MYO9B: variants seen among roughly 807,000 people sequenced by gnomAD.
MYO9B encodes the protein unconventional myosin-IXb.
A neutral mutation model predicts 229.5 loss-of-function variants in MYO9B; 71 were observed. That is an observed-to-expected ratio of 0.31 (90% CI 0.26 to 0.38). The LOEUF is 0.38. Among genes scored for constraint, MYO9B ranks in the 10% least tolerant of loss-of-function variants. MYO9B has a pLI of 1.00. For synonymous variants in MYO9B, 1,185 were observed against 1,235.8 expected (o/e 0.96, Z 0.86); for missense variants, 2,255 against 2,920.5 (o/e 0.77, Z 5.25).
rs745558830 is a variant in MYO9B at position 17,152,679 on chromosome 19, G to A, written c.971G>A (p.Arg324His). ...VVEKYLLEKS[R>H]LVSQEKDERN... The stretch of plus-strand genomic sequence containing the variant: ...GAGAAATATCTGCTTGAAAAGTCTC[G>A]CCTGGTGTCTCAGGAGAAGGATGAG... Residue 324 changes from arginine (R) to histidine (H), a missense_variant, in exon 4 of 40, where the codon CGC becomes CAC. Arg to His is a conservative substitution (Grantham distance 29, BLOSUM62 0). Around this residue, in one of 7 missense-constraint regions of MYO9B, gnomAD observed 386 missense variants for 515.2 expected, o/e 0.75. Transcript: ENST00000682292. The A allele has an allele frequency of 1.2e-6, 2 of 1,613,218 alleles. No individual in the cohort carries two copies. Among genetic ancestry groups the A allele is most frequent in the African/African-American group, 1.3e-5 (1 of 74,868 alleles).
At chr19:17,202,459 T>TA (rs1247515339) in intron 28 of MYO9B, among the ~76,000 whole-genome samples, 156 bp downstream of exon 28, 1 of 150,446 alleles carries the variant, frequency 6.6e-6, no homozygotes, top group African/African-American at 2.5e-5. Context: ...TTGATCCACT[T>TA]ATGCCATGCT....
chr19:17,085,967 C>T (rs920614617), intron 1 of MYO9B, among the ~76,000 whole-genome samples: 1 of 152,188 alleles, frequency 6.6e-6, no homozygotes, highest in Non-Finnish European at 1.5e-5. Context: ...GCAGCCCAGC[C>T]ACCACCCAGT....
intron 2 of MYO9B, among the ~76,000 whole-genome samples, chr19:17,121,222 C>T (rs1599344259): frequency 1.3e-5 from 2 of 152,256 alleles, no homozygotes; most frequent in Middle Eastern, 3.4e-3. Context: ...GGATTCCAGA[C>T]GTCAGCCACG....
chr19:17,197,925 T>G (rs3745160), intron 23 of MYO9B, 67 bp downstream of exon 23: 971,307 of 1,572,504 alleles, frequency 0.62, 306,157 homozygotes, highest in African/African-American at 0.92. Flanking sequence ...GTGGTGGCGC[T>G]TGCCTGTAAC....
At chr19:17,109,651 C>A (rs2057828519) in intron 2 of MYO9B, among the ~76,000 whole-genome samples, 1 of 152,130 alleles carries the variant, frequency 6.6e-6, no homozygotes, top group African/African-American at 2.4e-5. Context: ...TCTGGAGGCT[C>A]TGAGGGAGAA....
intron 10 of MYO9B, among the ~76,000 whole-genome samples, chr19:17,165,323 T>G (rs958103632): frequency 7.3e-5 from 11 of 151,316 alleles, no homozygotes; most frequent in African/African-American, 2.7e-4. Context: ...GTTGTGCCAC[T>G]GTACTCCAGC....
intron 10 of MYO9B, among the ~76,000 whole-genome samples, chr19:17,167,260 TG>T (rs2072669557): frequency 6.6e-6 from 1 of 150,802 alleles, no homozygotes; most frequent in Non-Finnish European, 1.5e-5. Flanking sequence ...CTCAAACTCC[TG>T]GACTCAAGCC....
chr19:17,154,006 C>T lies in MYO9B; in HGVS notation c.1038C>T (p.Ser346=), dbSNP rs771176317. Reference sequence around the variant, plus strand: ...TTTATTATTTGTTACTTGGGGTCAGCGAGGAAGAGCGCCAAGAATTTCAGC... The same window carrying T: ...TTTATTATTTGTTACTTGGGGTCAGTGAGGAAGAGCGCCAAGAATTTCAGC... ...HVFYYLLLGV[S]EEERQEFQLK... is the part of the protein sequence containing the mutation. The change falls in exon 5 of 40, where the codon AGC becomes AGT. Residue 346 remains serine, a synonymous_variant. Coordinates refer to ENST00000682292, the MANE Select transcript of MYO9B (RefSeq NM_004145.4). 8.1e-6 allele frequency: 13 copies of T among 1,613,700 alleles called. No homozygotes were observed. In the Admixed American group the frequency reaches 8.3e-5, roughly 10 times the overall value.
intron 28 of MYO9B, 127 bp from the exon 29 acceptor site, chr19:17,202,715 A>G: frequency 1.1e-6 from 1 of 950,524 alleles, no homozygotes; most frequent in Non-Finnish European, 1.6e-6. Context: ...GGCGTTAGGG[A>G]CAATGATGCC....
Position 17,080,766 on chromosome 19 carries a change from A to G in MYO9B, c.-59+4892A>G, listed in dbSNP as rs1168853831. ...TGCCTGTGGTCCCAGCACTTTAAGA[A>G]GCTGAGACAGACAGATCGCTTGAGC... On this transcript the variant is annotated intron_variant, in intron 1 of 39. Transcript: ENST00000682292. Among the ~76,000 whole-genome samples the G allele has an allele frequency of 2.6e-5, 4 of 152,232 alleles. No individual in the cohort carries two copies. In the South Asian group the frequency reaches 6.2e-4, roughly 24 times the overall value.
chr19:17,134,381 G>GGTT (rs1568267186), intron 2 of MYO9B, among the ~76,000 whole-genome samples: 2 of 46,472 alleles, frequency 4.3e-5, no homozygotes, highest in African/African-American at 8.9e-5. Flanking sequence ...CGTTTTGTTT[G>GGTT]TTTTTTTTTT....
intron 1 of MYO9B, among the ~76,000 whole-genome samples, chr19:17,092,269 C>T (rs1014869846): frequency 5.9e-5 from 9 of 152,210 alleles, no homozygotes; most frequent in Non-Finnish European, 5.9e-5. Flanking sequence ...GCCCAAAGCC[C>T]GCCAGCTGGG....
At chr19:17,082,988 C>T (rs1329845123) in intron 1 of MYO9B, among the ~76,000 whole-genome samples, 3 of 148,790 alleles carry the variant, frequency 2.0e-5, no homozygotes, top group South Asian at 2.1e-4. Flanking sequence ...GTCAAGTGCC[C>T]GTGGGTCCTC....
At position 17,205,117 on chromosome 19, in the gene MYO9B, C is replaced by T. The variant is rs2073145354; in HGVS notation, c.4991-146C>T. 2.4e-5 allele frequency: 15 copies of T among 614,518 alleles called. No individual in the cohort carries two copies. In the South Asian group the frequency reaches 2.8e-4, roughly 11 times the overall value. 38.1% of individuals were successfully genotyped at this position (614,518 alleles called of 1,614,324 possible). A position where few individuals can be genotyped will look rare whatever the true frequency, so the allele number is the denominator to read the frequency against. ...AGTGAGCCGAGATCACGCCATTGCG[C>T]TCTAGCCTGAGAACAAGAGTGAGAC... On this transcript the variant is annotated intron_variant, in intron 30 of 39. Transcript: ENST00000682292.
intron 2 of MYO9B, among the ~76,000 whole-genome samples, chr19:17,127,710 C>T (rs2072142340): frequency 6.6e-6 from 1 of 152,198 alleles, no homozygotes; most frequent in African/African-American, 2.4e-5. Flanking sequence ...CTTTGCAGAC[C>T]CCCGGTAGAG....
At chr19:17,161,128 A>C (rs1465358340) in intron 8 of MYO9B, among the ~76,000 whole-genome samples, 1 of 152,106 alleles carries the variant, frequency 6.6e-6, no homozygotes, top group East Asian at 1.9e-4. Flanking sequence ...ACACGGTGAC[A>C]GCCACATGGT....
Position 17,200,848 on chromosome 19 carries a change from G to T in MYO9B, c.4563+19G>T. ...CAACAAGGTGGGATCACTAGGCGAG[G>T]GCCAGGGGCATGAGGCCCGGTCCCC... is the stretch of plus-strand genomic sequence containing the variant. On this transcript the variant is annotated intron_variant, in intron 26 of 39. Coordinates refer to ENST00000682292, the MANE Select transcript of MYO9B (RefSeq NM_004145.4). 1.9e-6 allele frequency: 3 copies of T among 1,609,622 alleles called. No homozygotes were observed. The highest frequency in any genetic ancestry group is 2.6e-6 in the Non-Finnish European group (3 of 1,176,426).
intron 20 of MYO9B, 129 bp from the exon 21 acceptor site, chr19:17,192,614 AAAT>A: frequency 1.8e-6 from 1 of 563,070 alleles, no homozygotes; most frequent in Non-Finnish European, 2.8e-6. Context: ...ATAAATAAAT[AAAT>A]AAATAAAGCC....
chr19:17,119,477 A>T (rs8099879), intron 2 of MYO9B, among the ~76,000 whole-genome samples: 9 of 152,026 alleles, frequency 5.9e-5, no homozygotes, highest in East Asian at 5.8e-4. Flanking sequence ...GAGGCCGAGG[A>T]GGGGAGCCTG....
Sources: allele counts gnomAD v4.1 joint callset (sites outside exome capture counted in the v4.1 genomes callset), GRCh38; gene constraint gnomAD v4.1.1; regional missense constraint gnomAD v4.1.1; transcripts MANE v1.5; gene names NCBI Gene and HGNC (gene_info 2026-07-23, HGNC 2026-07-21).